The following CA10 variants were observed in gnomAD, a reference collection of about 807,000 sequenced individuals.
CA10 encodes carbonic anhydrase-related protein 10.
Under a neutral mutation model 44.2 loss-of-function variants are expected in CA10, and 14 were observed. That is an observed-to-expected ratio of 0.32 (90% CI 0.21 to 0.50). The LOEUF (loss-of-function observed/expected upper bound fraction) is 0.50. CA10 is among the 20% of genes least tolerant of loss of function. CA10 has a pLI of 0.99. For synonymous variants in CA10, 159 were observed against 141.6 expected (o/e 1.12, Z -0.87); for missense variants, 350 against 409.7 (o/e 0.85, Z 1.26).
chr17:51,687,182 T>G (rs1240754233), intron 4 of CA10, among the ~76,000 whole-genome samples: 5 of 152,212 alleles, frequency 3.3e-5, no homozygotes, highest in African/African-American at 1.2e-4. Flanking sequence ...TCCACCAGGC[T>G]CATTCCCATG....
At chr17:51,941,574 C>T (rs1983078430) in intron 2 of CA10, among the ~76,000 whole-genome samples, 1 of 152,128 alleles carries the variant, frequency 6.6e-6, no homozygotes, top group South Asian at 2.1e-4. Flanking sequence ...TCTACCTACT[C>T]AACTCTGAAG....
intron 1 of CA10, among the ~76,000 whole-genome samples, chr17:52,122,645 A>G (rs988738326): frequency 4.6e-5 from 7 of 152,172 alleles, no homozygotes; most frequent in Admixed American, 2.0e-4. Flanking sequence ...ATAGCCTTCC[A>G]TAATATTGCT....
At chr17:51,997,949 G>C (rs1273022815) in intron 2 of CA10, among the ~76,000 whole-genome samples, 2 of 152,046 alleles carry the variant, frequency 1.3e-5, no homozygotes, top group African/African-American at 4.8e-5. Context: ...TCAGCCTCCT[G>C]TGATAACCCT....
chr17:52,060,108 TCACGTA>T (rs1721565903), intron 2 of CA10, among the ~76,000 whole-genome samples: 1 of 152,138 alleles, frequency 6.6e-6, no homozygotes, highest in African/African-American at 2.4e-5. Context: ...CATGTTGATA[TCACGTA>T]CCCTCTGATA....
chr17:51,964,735 G>T (rs1016491847), intron 2 of CA10, among the ~76,000 whole-genome samples: 1 of 151,808 alleles, frequency 6.6e-6, no homozygotes, highest in African/African-American at 2.4e-5. Context: ...ATATACCAAA[G>T]TCTCTGTGAT....
At chr17:51,791,331 T>C (rs1262871002) in intron 3 of CA10, among the ~76,000 whole-genome samples, 1 of 152,194 alleles carries the variant, frequency 6.6e-6, no homozygotes, top group Non-Finnish European at 1.5e-5. Flanking sequence ...CAAATGATAA[T>C]ATAACAAGGA....
At chr17:52,048,748 C>T (rs1023479018) in intron 2 of CA10, among the ~76,000 whole-genome samples, 3 of 151,872 alleles carry the variant, frequency 2.0e-5, no homozygotes, top group African/African-American at 7.3e-5. Context: ...TTAATTAGTC[C>T]AGGTTGACAG....
chr17:51,910,379 T>C (rs550629137), intron 3 of CA10, among the ~76,000 whole-genome samples: 1 of 152,302 alleles, frequency 6.6e-6, no homozygotes, highest in South Asian at 2.1e-4. Flanking sequence ...GAATCAGCTG[T>C]TCCTGATGGT....
intron 3 of CA10, among the ~76,000 whole-genome samples, chr17:51,878,245 T>A (rs1224404447): frequency 2.6e-5 from 4 of 151,642 alleles, no homozygotes; most frequent in South Asian, 2.1e-4. Context: ...AAGTTGGGAA[T>A]TCTGGTTCTA....
chr17:51,780,941 T>A lies in CA10; in HGVS notation c.280-33123A>T, dbSNP rs1237212689. ...ATGACAACATGTAAGTAAATGGGCA[T>A]GGCAGTGGGCTAATAAAACTATTTA... On this transcript the variant is annotated intron_variant, in intron 3 of 8. Coordinates refer to ENST00000451037, the MANE Select transcript of CA10 (RefSeq NM_020178.5). 2.0e-5 allele frequency among the ~76,000 whole-genome samples: 3 copies of A among 152,210 alleles called. No individual in the cohort carries two copies. In the East Asian group the frequency reaches 5.8e-4, roughly 29 times the overall value.
chr17:51,715,131 C>G (rs1286058582), intron 4 of CA10, among the ~76,000 whole-genome samples: 1 of 152,088 alleles, frequency 6.6e-6, no homozygotes, highest in African/African-American at 2.4e-5. Flanking sequence ...AAACCAAACA[C>G]CTCATGTTCT....
intron 3 of CA10, among the ~76,000 whole-genome samples, chr17:51,783,720 A>G (rs1424937810): frequency 1.3e-5 from 2 of 152,234 alleles, no homozygotes; most frequent in Non-Finnish European, 2.9e-5. Context: ...TTCCTTGGAT[A>G]AATGAGAATT....
intron 4 of CA10, among the ~76,000 whole-genome samples, chr17:51,671,082 C>A (rs994472685): frequency 6.6e-6 from 1 of 152,124 alleles, no homozygotes; most frequent in South Asian, 2.1e-4. Context: ...GAGAAATAGG[C>A]ACAGCTGGCT....
intron 6 of CA10, among the ~76,000 whole-genome samples, chr17:51,648,617 A>G (rs1913432839): frequency 6.6e-6 from 1 of 151,990 alleles, no homozygotes; most frequent in African/African-American, 2.4e-5. Flanking sequence ...TCAACTTTGC[A>G]CTGTTCTCTC....
intron 1 of CA10, among the ~76,000 whole-genome samples, chr17:52,118,230 C>G (rs548300381): frequency 6.6e-6 from 1 of 152,184 alleles, no homozygotes; most frequent in Non-Finnish European, 1.5e-5. Flanking sequence ...CTCCCTTGTA[C>G]AAGATTTTCA....
intron 2 of CA10, among the ~76,000 whole-genome samples, chr17:52,040,351 A>T (rs890543025): frequency 7.3e-5 from 11 of 151,478 alleles, no homozygotes; most frequent in African/African-American, 2.4e-4. Flanking sequence ...AGGTATTAGG[A>T]CCCTCATATC....
chr17:51,890,625 T>TA (rs1980814399), intron 3 of CA10, among the ~76,000 whole-genome samples: 1 of 152,120 alleles, frequency 6.6e-6, no homozygotes, highest in Non-Finnish European at 1.5e-5. Flanking sequence ...TACACATAAA[T>TA]AAAAAATGAG....
chr17:52,011,993 A>C (rs1985812711), intron 2 of CA10, among the ~76,000 whole-genome samples: 1 of 152,078 alleles, frequency 6.6e-6, no homozygotes, highest in Non-Finnish European at 1.5e-5. Context: ...AGGTGAGTGC[A>C]AATCTGGGAT....
intron 3 of CA10, among the ~76,000 whole-genome samples, chr17:51,783,595 AAAG>A (rs1360753203): frequency 6.6e-6 from 1 of 152,206 alleles, no homozygotes; most frequent in African/African-American, 2.4e-5. Context: ...GGAGAATAAG[AAAG>A]AAGAAGGAAA....
Sources: allele counts gnomAD v4.1 joint callset (sites outside exome capture counted in the v4.1 genomes callset), GRCh38; gene constraint gnomAD v4.1.1; transcripts MANE v1.5; gene names NCBI Gene and HGNC (gene_info 2026-07-23, HGNC 2026-07-21).